SCAPER: variants seen among roughly 807,000 people sequenced by gnomAD.
SCAPER encodes S-phase cyclin A associated protein in the ER.
A neutral mutation model predicts 182.2 loss-of-function variants in SCAPER; 98 were observed. The observed-to-expected ratio is 0.54, with a 90% CI of 0.46 to 0.64. SCAPER has a LOEUF of 0.64. Among genes scored for constraint, SCAPER ranks in the 30% least tolerant of loss-of-function variants. SCAPER has a pLI of 0.00. For missense variants in SCAPER, 1,432 were observed against 1,690.0 expected (o/e 0.85, Z 2.68); for synonymous variants, 605 against 564.6 (o/e 1.07, Z -1.01).
chr15:76,601,751 T>C (rs1200101944), intron 22 of SCAPER, among the ~76,000 whole-genome samples: 1 of 121,740 alleles, frequency 8.2e-6, no homozygotes. Context: ...GCTTCACAGG[T>C]AGTGCTGTGA....
chr15:76,636,270 A>G (rs1231879569), intron 21 of SCAPER, among the ~76,000 whole-genome samples: 1 of 152,180 alleles, frequency 6.6e-6, no homozygotes, highest in African/African-American at 2.4e-5. Context: ...GTGAGAAATC[A>G]GCAGTTAACC....
In SCAPER at chr15:76,772,165, T is replaced by G. The variant is rs998764984; in HGVS notation, c.1036-211A>C. 5.3e-5 allele frequency among the ~76,000 whole-genome samples: 8 copies of G among 152,152 alleles called. No homozygotes were observed. In the East Asian group the frequency reaches 1.5e-3, roughly 29 times the overall value. On this transcript the variant is annotated intron_variant, in intron 9 of 31. Coordinates refer to ENST00000563290, the MANE Select transcript of SCAPER (RefSeq NM_020843.4). Reference sequence around the variant, plus strand: ...ACAAATTTTACTTGCATGCCTACTATGTACTGGGCACTATCCAAAGTTTTC... The same window carrying G: ...ACAAATTTTACTTGCATGCCTACTAGGTACTGGGCACTATCCAAAGTTTTC...
intron 6 of SCAPER, among the ~76,000 whole-genome samples, chr15:76,801,343 A>T (rs1342247654): frequency 6.6e-6 from 1 of 152,162 alleles, no homozygotes; most frequent in Non-Finnish European, 1.5e-5. Context: ...CTTCCTATTT[A>T]ATCAGTGTAT....
intron 26 of SCAPER, among the ~76,000 whole-genome samples, chr15:76,414,011 A>C (rs1485358481): frequency 2.6e-5 from 4 of 152,160 alleles, no homozygotes; most frequent in Admixed American, 2.0e-4. Context: ...TAAATGTTAA[A>C]ACTAACCTTG....
At chr15:76,610,375 G>C (rs1344300842) in intron 22 of SCAPER, among the ~76,000 whole-genome samples, 2 of 152,110 alleles carry the variant, frequency 1.3e-5, no homozygotes, top group African/African-American at 4.8e-5. Context: ...TCCAAGATTA[G>C]GAATAAGGCA....
chr15:76,647,004 T>C (rs985092193), intron 21 of SCAPER, among the ~76,000 whole-genome samples: 1 of 152,182 alleles, frequency 6.6e-6, no homozygotes, highest in African/African-American at 2.4e-5. Flanking sequence ...TAATATGCAA[T>C]TTGTTTCTCC....
At chr15:76,513,230 C>T (rs1045686963) in intron 23 of SCAPER, among the ~76,000 whole-genome samples, 2 of 152,120 alleles carry the variant, frequency 1.3e-5, no homozygotes, top group African/African-American at 4.8e-5. Context: ...AAAGAATGAA[C>T]AAGTGAAAGG....
At chr15:76,446,072 T>C (rs2047977429) in intron 25 of SCAPER, among the ~76,000 whole-genome samples, 1 of 152,164 alleles carries the variant, frequency 6.6e-6, no homozygotes, top group South Asian at 2.1e-4. Context: ...GGTTCCATGA[T>C]AACAGCTCAT....
At chr15:76,374,214 C>G (rs1221302975) in intron 29 of SCAPER, among the ~76,000 whole-genome samples, 2 of 151,836 alleles carry the variant, frequency 1.3e-5, no homozygotes, top group Non-Finnish European at 2.9e-5. Context: ...ATGGTGAAAC[C>G]CTGTCTCTAC....
At chr15:76,477,619 C>G (rs1220038245) in intron 24 of SCAPER, among the ~76,000 whole-genome samples, 2 of 152,058 alleles carry the variant, frequency 1.3e-5, no homozygotes, top group Non-Finnish European at 2.9e-5. Flanking sequence ...ATTTATACCC[C>G]CAGAAAAATA....
In SCAPER at chr15:76,433,692, A is replaced by T. The variant is rs572319505; in HGVS notation, c.3311+386T>A. 4.6e-5 allele frequency among the ~76,000 whole-genome samples: 7 copies of T among 152,346 alleles called. No homozygotes were observed. The South Asian group carries it at 1.4e-3, about 32-fold the overall frequency. On this transcript the variant is annotated intron_variant, in intron 26 of 31. Transcript: ENST00000563290. ...TTTGTCAAAATGAAATTTCCTGTCA[A>T]GAGAGAATTTTCTTTCTCTCTACAA...
chr15:76,447,261 A>G (rs1436640466), intron 25 of SCAPER, among the ~76,000 whole-genome samples: 1 of 152,198 alleles, frequency 6.6e-6, no homozygotes, highest in African/African-American at 2.4e-5. Context: ...CTCATCCTAT[A>G]AATCTCTTCA....
chr15:76,495,989 G>GACACACACACAC (rs1189380440), intron 24 of SCAPER, among the ~76,000 whole-genome samples: 1 of 105,466 alleles, frequency 9.5e-6, no homozygotes, highest in East Asian at 2.4e-4. Flanking sequence ...AAGCAAAAGA[G>GACACACACACAC]AGAGACACAC....
intron 20 of SCAPER, among the ~76,000 whole-genome samples, chr15:76,696,595 AC>A (rs932980280): frequency 2.0e-5 from 3 of 151,912 alleles, no homozygotes; most frequent in African/African-American, 7.2e-5. Context: ...TGGAAAAAAA[AC>A]CTTTTAAATT....
Position 76,878,188 on chromosome 15 carries a change from T to C in SCAPER, c.6+5624A>G, listed in dbSNP as rs933351604. ...TTGGTAAGTCTGGCAAAAGTATATA[T>C]GAGAATTCATATATGGATATATATC... On this transcript the variant is annotated intron_variant, in intron 2 of 31. Coordinates refer to ENST00000563290, the MANE Select transcript of SCAPER (RefSeq NM_020843.4). 1.4e-3 allele frequency among the ~76,000 whole-genome samples: 215 copies of C among 151,930 alleles called. 1 individual carries two copies. Among genetic ancestry groups the C allele is most frequent in the African/African-American group, 4.7e-3 (196 of 41,404 alleles).
At chr15:76,622,729 T>C (rs947094526) in intron 21 of SCAPER, among the ~76,000 whole-genome samples, 3 of 152,188 alleles carry the variant, frequency 2.0e-5, no homozygotes, top group African/African-American at 7.2e-5. Flanking sequence ...TTATGCATGG[T>C]GGAGTATGTT....
chr15:76,705,856 C>T (rs558101504), intron 18 of SCAPER, 47 bp downstream of exon 18: 2 of 1,287,296 alleles, frequency 1.6e-6, no homozygotes, highest in Non-Finnish European at 1.1e-6. Context: ...TCTCATGCTC[C>T]ACTGTAAGCT....
intron 17 of SCAPER, among the ~76,000 whole-genome samples, chr15:76,710,203 C>T (rs2059487588): frequency 1.3e-5 from 2 of 152,118 alleles, no homozygotes; most frequent in Non-Finnish European, 2.9e-5. Flanking sequence ...AAGGCATCCA[C>T]ATTAGAAATA....
chr15:76,463,167 C>G (rs975115763), intron 25 of SCAPER, among the ~76,000 whole-genome samples: 107 of 152,226 alleles, frequency 7.0e-4, no homozygotes, highest in Non-Finnish European at 8.8e-5. Context: ...GAGCAAGTAC[C>G]GTACTATATA....
Sources: gnomAD v4.1 joint callset for allele counts (sites outside exome capture counted in the v4.1 genomes callset) on GRCh38, gnomAD v4.1.1 for gene constraint, MANE v1.5 for transcripts, NCBI Gene and HGNC (gene_info 2026-07-23, HGNC 2026-07-21) for gene names.